The following SSH2 variants were observed in gnomAD, a reference collection of about 807,000 sequenced individuals.
SSH2 encodes the protein slingshot protein phosphatase 2.
Under a neutral mutation model 135.2 loss-of-function variants are expected in SSH2, and 37 were observed. That is an observed-to-expected ratio of 0.27 (90% CI 0.21 to 0.36). SSH2 has a LOEUF of 0.36. Among genes scored for constraint, SSH2 ranks in the 10% least tolerant of loss-of-function variants. SSH2 has a pLI of 1.00. For synonymous variants in SSH2, 628 were observed against 646.2 expected, an observed-to-expected ratio of 0.97 and a Z score of 0.43; for missense variants, 1,408 against 1,765.3, an observed-to-expected ratio of 0.80 and a Z score of 3.63.
In SSH2 at chr17:29,630,152, C is replaced by A. The variant is rs1268742960; in HGVS notation, c.*689G>T. On this transcript the variant is annotated 3_prime_UTR_variant, in exon 16 of 16. Transcript: ENST00000540801. ...TTATCATGCTTTCCTCTACAGAAGA[C>A]CACTTGGATTTCATTTGGGGTCCTG... 2 of 152,176 alleles carry A rather than the reference C, an allele frequency of 1.3e-5. No individual in the cohort carries two copies. Among genetic ancestry groups the A allele is most frequent in the Non-Finnish European group, 2.9e-5 (2 of 68,032 alleles). 9.4% of individuals were successfully genotyped at this position (152,176 alleles called of 1,614,324 possible). A position where few individuals can be genotyped will look rare whatever the true frequency, so the allele number is the denominator to read the frequency against.
At chr17:29,814,665 G>A (rs984910911) in intron 2 of SSH2, among the ~76,000 whole-genome samples, 1 of 151,702 alleles carries the variant, frequency 6.6e-6, no homozygotes, top group East Asian at 1.9e-4. Flanking sequence ...TACAAAAACC[G>A]GGAAGTTGAG....
intron 1 of SSH2, chr17:29,882,953 C>G (rs912823973): frequency 6.6e-6 from 1 of 152,120 alleles, no homozygotes; most frequent in Non-Finnish European, 1.5e-5. Flanking sequence ...CATGAGCCAC[C>G]ATGCCCAGCC....
intron 1 of SSH2, chr17:29,883,192 G>C (rs550980641): frequency 2.6e-4 from 39 of 152,188 alleles, no homozygotes; most frequent in African/African-American, 8.4e-4. Flanking sequence ...ATGGTAAAAG[G>C]CTTCTATTAA....
intron 3 of SSH2, among the ~76,000 whole-genome samples, chr17:29,781,521 C>T (rs1213920528): frequency 6.8e-6 from 1 of 146,670 alleles, no homozygotes; most frequent in African/African-American, 2.5e-5. Context: ...ACTCCATTGC[C>T]CGGGCTAGAG....
At chr17:29,639,994 G>C (rs989825678) in intron 14 of SSH2, among the ~76,000 whole-genome samples, 19 of 152,284 alleles carry the variant, frequency 1.2e-4, no homozygotes, top group Middle Eastern at 3.4e-3. Context: ...GACCTCTCAG[G>C]GGGTGGCTGT....
At chr17:29,887,194 A>G (rs925257120) in intron 1 of SSH2, among the ~76,000 whole-genome samples, 11 of 152,200 alleles carry the variant, frequency 7.2e-5, no homozygotes, top group East Asian at 1.9e-4. Flanking sequence ...AATACTTGAG[A>G]TCAGTAGTAG....
intron 3 of SSH2, among the ~76,000 whole-genome samples, chr17:29,771,820 T>C (rs1372783793): frequency 2.0e-5 from 3 of 152,240 alleles, no homozygotes; most frequent in African/African-American, 4.8e-5. Context: ...AGCATCATTA[T>C]CTCTCTAAGC....
At chr17:29,894,718 A>T (rs940631907) in intron 1 of SSH2, among the ~76,000 whole-genome samples, 2 of 151,898 alleles carry the variant, frequency 1.3e-5, no homozygotes, top group Non-Finnish European at 2.9e-5. Flanking sequence ...CCACCACTTA[A>T]ACTGGCCCCA....
intron 2 of SSH2, among the ~76,000 whole-genome samples, chr17:29,811,920 T>A (rs547058415): frequency 2.0e-5 from 3 of 152,180 alleles, no homozygotes; most frequent in Admixed American, 1.3e-4. Flanking sequence ...TAAAAATATC[T>A]AAAGAGTTTG....
At chr17:29,652,767 C>T (rs1417319967) in intron 12 of SSH2, among the ~76,000 whole-genome samples, 1 of 152,120 alleles carries the variant, frequency 6.6e-6, no homozygotes, top group African/African-American at 2.4e-5. Flanking sequence ...AAGCAATTCT[C>T]CTGCCTCAGC....
chr17:29,919,692 T>C (rs2066941129), intron 1 of SSH2, among the ~76,000 whole-genome samples: 1 of 151,792 alleles, frequency 6.6e-6, no homozygotes, highest in Admixed American at 6.6e-5. Flanking sequence ...AATTACACTT[T>C]TTTTTTTTTT....
At chr17:29,705,132 T>C (rs993021226) in intron 3 of SSH2, among the ~76,000 whole-genome samples, 6 of 152,218 alleles carry the variant, frequency 3.9e-5, no homozygotes, top group African/African-American at 1.4e-4. Flanking sequence ...GTGTCTTTCC[T>C]TCCTATAATA....
chr17:29,809,636 G>A (rs1285146030), intron 2 of SSH2, among the ~76,000 whole-genome samples: 1 of 151,992 alleles, frequency 6.6e-6, no homozygotes, highest in Non-Finnish European at 1.5e-5. Context: ...GCTCACTGCA[G>A]CCTTGAACTC....
chr17:29,718,732 CAA>C lies in SSH2; in HGVS notation c.189-15672_189-15671del, dbSNP rs752148237. Among the ~76,000 whole-genome samples, 75 of 77,326 alleles carry C rather than the reference CAA, an allele frequency of 9.7e-4. 1 individual carries two copies. Among genetic ancestry groups the C allele is most frequent in the African/African-American group, 4.2e-3 (70 of 16,790 alleles). The allele number at this position is 77,326 out of a possible 152,430, so 50.7% of individuals were successfully genotyped here. On this transcript the variant is annotated intron_variant, in intron 3 of 15. Coordinates refer to ENST00000540801, the MANE Select transcript of SSH2 (RefSeq NM_001282129.2). Reference sequence around the variant, plus strand: ...TGGGCGACAAAGCAAGATTTCACCTCAAAAAAAAAAAAAAAAAAAAAAAAAAG... The same window carrying C: ...TGGGCGACAAAGCAAGATTTCACCTCAAAAAAAAAAAAAAAAAAAAAAAAG...
chr17:29,635,658 T>C (rs1820064986), intron 15 of SSH2, among the ~76,000 whole-genome samples: 2 of 152,124 alleles, frequency 1.3e-5, no homozygotes, highest in Admixed American at 6.5e-5. Flanking sequence ...TCCGCCCGCC[T>C]TGGCCTCCCA....
At chr17:29,831,266 C>A (rs563050344) in intron 2 of SSH2, among the ~76,000 whole-genome samples, 1 of 152,168 alleles carries the variant, frequency 6.6e-6, no homozygotes, top group Non-Finnish European at 1.5e-5. Context: ...ATAACCTATA[C>A]GCTACTCAGT....
chr17:29,649,669 CA>C (rs1484474228), intron 13 of SSH2, among the ~76,000 whole-genome samples: 3 of 152,164 alleles, frequency 2.0e-5, no homozygotes, highest in African/African-American at 7.2e-5. Flanking sequence ...CTATCTTCAC[CA>C]CTTATTTGAC....
intron 2 of SSH2, chr17:29,839,120 G>A (rs1231329008): frequency 6.6e-6 from 1 of 152,256 alleles, no homozygotes; most frequent in East Asian, 1.9e-4. Flanking sequence ...GCTGCTTATG[G>A]TATGCCAGGC....
At chr17:29,685,205 G>A (rs2038163003) in intron 5 of SSH2, among the ~76,000 whole-genome samples, 1 of 152,134 alleles carries the variant, frequency 6.6e-6, no homozygotes, top group Admixed American at 6.6e-5. Flanking sequence ...GATAATGAAA[G>A]GAGATTGCAT....
Sources: allele counts gnomAD v4.1 joint callset (sites outside exome capture counted in the v4.1 genomes callset), GRCh38; gene constraint gnomAD v4.1.1; transcripts MANE v1.5; gene names NCBI Gene and HGNC (gene_info 2026-07-23, HGNC 2026-07-21).